PARP8: variants seen among roughly 807,000 people sequenced by gnomAD.
PARP8 encodes the protein poly(ADP-ribose) polymerase family member 8.
PARP8 carries 51 observed loss-of-function variants against 124.1 expected under a neutral mutation model. That is an observed-to-expected ratio of 0.41 (90% CI 0.33 to 0.52). The LOEUF (loss-of-function observed/expected upper bound fraction) is 0.52, where lower values mean the gene tolerates loss of function less well. Among genes scored for constraint, PARP8 ranks in the 20% least tolerant of loss-of-function variants. The pLI is 0.21. For missense variants in PARP8, 860 were observed against 1,018.9 expected (o/e 0.84, Z 2.12); for synonymous variants, 391 against 361.5 (o/e 1.08, Z -0.93).
At chr5:50,778,792 A>C in intron 9 of PARP8, 142 bp downstream of exon 9, 2 of 444,368 alleles carry the variant, frequency 4.5e-6, no homozygotes, top group Non-Finnish European at 8.0e-6. Context: ...TTGCAGTCTA[A>C]GAAAGATGGT....
intron 2 of PARP8, among the ~76,000 whole-genome samples, chr5:50,694,416 G>C (rs1306357794): frequency 6.6e-6 from 1 of 152,120 alleles, no homozygotes; most frequent in Non-Finnish European, 1.5e-5. Flanking sequence ...GCATTTATTT[G>C]ATAGTGAATT....
At chr5:50,810,558 G>A (rs1477427984) in intron 14 of PARP8, among the ~76,000 whole-genome samples, 2 of 152,026 alleles carry the variant, frequency 1.3e-5, no homozygotes, top group Non-Finnish European at 2.9e-5. Context: ...CTTTAAGGGA[G>A]TGATTCAGTT....
intron 2 of PARP8, among the ~76,000 whole-genome samples, chr5:50,743,440 C>A (rs1048324609): frequency 1.3e-5 from 2 of 152,024 alleles, no homozygotes; most frequent in African/African-American, 4.8e-5. Flanking sequence ...CCCCAAATTA[C>A]CTTCTAGCTT....
At chr5:50,720,060 A>C (rs1250468119) in intron 2 of PARP8, among the ~76,000 whole-genome samples, 1 of 152,068 alleles carries the variant, frequency 6.6e-6, no homozygotes, top group Non-Finnish European at 1.5e-5. Flanking sequence ...CAACCACAAT[A>C]TATTAATTTT....
intron 2 of PARP8, among the ~76,000 whole-genome samples, chr5:50,731,456 A>G (rs1012772217): frequency 2.0e-5 from 3 of 152,206 alleles, no homozygotes; most frequent in African/African-American, 7.2e-5. Flanking sequence ...GCTCATCTAA[A>G]TCTGGGAAAT....
intron 3 of PARP8, among the ~76,000 whole-genome samples, chr5:50,752,618 A>T (rs1251499725): frequency 6.6e-6 from 1 of 151,996 alleles, no homozygotes; most frequent in African/African-American, 2.4e-5. Context: ...TTTGTCTTCC[A>T]AATAGTTTAG....
chr5:50,804,703 G>T (rs1468843647), intron 14 of PARP8, among the ~76,000 whole-genome samples: 3 of 152,098 alleles, frequency 2.0e-5, no homozygotes, highest in Non-Finnish European at 4.4e-5. Flanking sequence ...TGTTAACATT[G>T]TTCTAGAACA....
At chr5:50,815,305 T>C (rs1223970517) in intron 14 of PARP8, 127 bp from the exon 15 acceptor site, 5 of 592,764 alleles carry the variant, frequency 8.4e-6, no homozygotes, top group East Asian at 3.3e-5. Flanking sequence ...ATTAAAATGG[T>C]ATGATTTCCT....
At chr5:50,825,563 G>A (rs1044602350) in intron 18 of PARP8, among the ~76,000 whole-genome samples, 1 of 152,110 alleles carries the variant, frequency 6.6e-6, no homozygotes, top group African/African-American at 2.4e-5. Context: ...TTGCTGTGAT[G>A]CCCATTTCAA....
At chr5:50,805,881 T>C (rs1193560419) in intron 14 of PARP8, among the ~76,000 whole-genome samples, 2 of 152,038 alleles carry the variant, frequency 1.3e-5, no homozygotes, top group Non-Finnish European at 2.9e-5. Context: ...AACTGCAATT[T>C]TGTCATTTCC....
At position 50,674,842 on chromosome 5, in the gene PARP8, C is replaced by G. The variant is rs1441022978; in HGVS notation, c.146+6717C>G. 2.0e-5 allele frequency among the ~76,000 whole-genome samples: 3 copies of G among 152,148 alleles called. No homozygotes were observed. In the South Asian group the frequency reaches 6.2e-4, roughly 31 times the overall value. ...TTTTTTCCTTGCCCACGAATGACAT[C>G]TCTGTTCATTAGAATACATAACGTT... On this transcript the variant is annotated intron_variant, in intron 2 of 25. Transcript: ENST00000281631.
At chr5:50,819,746 G>C (rs1467247561) in intron 15 of PARP8, among the ~76,000 whole-genome samples, 1 of 151,964 alleles carries the variant, frequency 6.6e-6, no homozygotes, top group Non-Finnish European at 1.5e-5. Flanking sequence ...CGCCCAACAA[G>C]GCTATTTTAT....
intron 25 of PARP8, among the ~76,000 whole-genome samples, chr5:50,841,721 A>G (rs1349610708): frequency 6.7e-6 from 1 of 149,118 alleles, no homozygotes; most frequent in South Asian, 2.1e-4. Context: ...CTTGCAACTC[A>G]GACAGTCTTT....
intron 2 of PARP8, among the ~76,000 whole-genome samples, chr5:50,695,054 G>A (rs1368698861): frequency 2.0e-5 from 3 of 152,084 alleles, no homozygotes; most frequent in Non-Finnish European, 2.9e-5. Context: ...ACTCGGATGG[G>A]TCTGCCTCTC....
chr5:50,759,667 A>G lies in PARP8; in HGVS notation c.209A>G (p.Glu70Gly). 1 of 1,567,564 alleles carries G rather than the reference A, an allele frequency of 6.4e-7. No individual in the cohort carries two copies. Among genetic ancestry groups the G allele is most frequent in the Non-Finnish European group, 8.6e-7 (1 of 1,163,176 alleles). Reference sequence around the variant, plus strand: ...GATAATACATATGTGTCAAGTTCAGAGAATGATGAAGATGTGCTAGTTACT... The same window carrying G: ...GATAATACATATGTGTCAAGTTCAGGGAATGATGAAGATGTGCTAGTTACT... ...YPDNTYVSSSENDEDVLVTTE... is the reference protein window; with the variant it reads ...YPDNTYVSSSGNDEDVLVTTE... The change falls in exon 4 of 26, where the codon GAG (glutamate) becomes GGG (glycine). Residue 70 changes from glutamate to glycine, a missense_variant. By Grantham distance (98) the Glu-to-Gly change is moderately conservative (BLOSUM62 -2). Transcript: ENST00000281631.
At chr5:50,669,174 T>C (rs911462093) in intron 2 of PARP8, 6 of 152,222 alleles carry the variant, frequency 3.9e-5, no homozygotes, top group Non-Finnish European at 7.3e-5. Context: ...AATTAGCACA[T>C]TGATTTACTA....
chr5:50,748,705 C>G (rs1259985438), intron 2 of PARP8, among the ~76,000 whole-genome samples: 1 of 152,160 alleles, frequency 6.6e-6, no homozygotes, highest in African/African-American at 2.4e-5. Context: ...GTTCTTATCA[C>G]TGTTTCCTTG....
At chr5:50,814,548 A>G (rs969245162) in intron 14 of PARP8, among the ~76,000 whole-genome samples, 1 of 152,074 alleles carries the variant, frequency 6.6e-6, no homozygotes, top group Non-Finnish European at 1.5e-5. Context: ...TCAACCAGAA[A>G]GCTTTGTATT....
chr5:50,756,062 C>T, intron 3 of PARP8, among the ~76,000 whole-genome samples: 1 of 152,164 alleles, frequency 6.6e-6, no homozygotes, highest in Non-Finnish European at 1.5e-5. Flanking sequence ...AGTTGCTTAT[C>T]AGCTTAGGGA....
Sources: gnomAD v4.1 joint callset for allele counts (sites outside exome capture counted in the v4.1 genomes callset) on GRCh38, gnomAD v4.1.1 for gene constraint, MANE v1.5 for transcripts, NCBI Gene and HGNC (gene_info 2026-07-23, HGNC 2026-07-21) for gene names.